ST7: variants seen among roughly 807,000 people sequenced by gnomAD.
ST7 encodes the protein suppression of tumorigenicity 7.
ST7 carries 28 observed loss-of-function variants against 78.7 expected under a neutral mutation model. The ratio of observed to expected loss-of-function variants is 0.36; its 90% CI spans 0.26 to 0.49. The LOEUF (loss-of-function observed/expected upper bound fraction) is 0.49. Among genes scored for constraint, ST7 ranks in the 20% least tolerant of loss-of-function variants. The probability of loss-of-function intolerance (pLI) is 0.99; values close to 1 mark genes in which losing one functional copy is unlikely to be tolerated. For missense variants in ST7, 418 were observed against 696.0 expected (o/e 0.60, Z 4.49); for synonymous variants, 247 against 249.6 (o/e 0.99, Z 0.10).
intron 15 of ST7, chr7:117,223,876 A>C: frequency 1.2e-6 from 1 of 868,788 alleles, no homozygotes; most frequent in South Asian, 5.3e-5. Flanking sequence ...TGCTCATAGT[A>C]GGTTTTCAAT....
At chr7:117,119,513 T>C (rs1285124221) in intron 2 of ST7, 48 bp from the exon 3 acceptor site, 1 of 1,566,622 alleles carries the variant, frequency 6.4e-7, no homozygotes, top group South Asian at 1.2e-5. Flanking sequence ...TGTACAGAAG[T>C]CGTAAATGAT....
At chr7:116,995,184 A>C (rs1340013249) in intron 1 of ST7, among the ~76,000 whole-genome samples, 2 of 152,234 alleles carry the variant, frequency 1.3e-5, no homozygotes, top group African/African-American at 4.8e-5. Context: ...AATCTAGTAC[A>C]TAGATGGAAG....
At chr7:117,144,421 A>G (rs535945901) in intron 9 of ST7, among the ~76,000 whole-genome samples, 3 of 151,722 alleles carry the variant, frequency 2.0e-5, no homozygotes, top group South Asian at 4.2e-4. Context: ...TGAGCTCAGC[A>G]GTTGGACACT....
At chr7:117,183,625 A>G (rs1808970483) in intron 10 of ST7, among the ~76,000 whole-genome samples, 1 of 152,138 alleles carries the variant, frequency 6.6e-6, no homozygotes, top group African/African-American at 2.4e-5. Context: ...GCCCAGCAGT[A>G]ACCACTTTCC....
At chr7:117,140,711 T>TA (rs895163680) in intron 9 of ST7, among the ~76,000 whole-genome samples, 69 of 151,508 alleles carry the variant, frequency 4.6e-4, no homozygotes, top group East Asian at 1.7e-3. Flanking sequence ...ATTACGTTTC[T>TA]AAAAAAAAAG....
intron 1 of ST7, among the ~76,000 whole-genome samples, chr7:117,096,775 T>C (rs983406728): frequency 1.3e-5 from 2 of 152,362 alleles, no homozygotes; most frequent in Admixed American, 1.3e-4. Flanking sequence ...CCACATGCCA[T>C]GTCCTTATGA....
At chr7:117,139,419 C>T (rs1805080072) in intron 9 of ST7, among the ~76,000 whole-genome samples, 1 of 152,190 alleles carries the variant, frequency 6.6e-6, no homozygotes, top group African/African-American at 2.4e-5. Flanking sequence ...ATTCTCAGCT[C>T]ATGGATTTGA....
intron 1 of ST7, among the ~76,000 whole-genome samples, chr7:117,077,844 C>CTTTTTT (rs1186348708): frequency 8.3e-6 from 1 of 120,930 alleles, no homozygotes; most frequent in African/African-American, 3.0e-5. Flanking sequence ...TGATTTCTTT[C>CTTTTTT]TTTTTTTTTT....
chr7:117,213,416 T>C (rs977749932), intron 13 of ST7, among the ~76,000 whole-genome samples: 1 of 152,154 alleles, frequency 6.6e-6, no homozygotes, highest in Admixed American at 6.5e-5. Flanking sequence ...TAAAACAAAT[T>C]CTTAGTTTCT....
At chr7:116,980,119 C>T (rs922376361) in intron 1 of ST7, among the ~76,000 whole-genome samples, 3 of 151,798 alleles carry the variant, frequency 2.0e-5, no homozygotes, top group East Asian at 1.9e-4. Context: ...TCACAACTCC[C>T]GGCGAATTTT....
chr7:117,019,630 G>A (rs538978378), intron 1 of ST7, among the ~76,000 whole-genome samples: 1 of 152,318 alleles, frequency 6.6e-6, no homozygotes, highest in South Asian at 2.1e-4. Context: ...AACAATAGTT[G>A]CAAAATAGCT....
At chr7:117,213,729 C>T (rs1584620338) in intron 13 of ST7, among the ~76,000 whole-genome samples, 1 of 152,058 alleles carries the variant, frequency 6.6e-6, no homozygotes, top group South Asian at 2.1e-4. Flanking sequence ...CTGTCCCAGC[C>T]CCTGAAATTA....
At chr7:117,151,793 G>A (rs954496706) in intron 9 of ST7, among the ~76,000 whole-genome samples, 18 of 151,960 alleles carry the variant, frequency 1.2e-4, no homozygotes, top group Admixed American at 5.2e-4. Context: ...CCAAATCCTC[G>A]TAAAACTCAA....
chr7:117,122,929 A>G (rs540856293), intron 3 of ST7, among the ~76,000 whole-genome samples: 1 of 152,324 alleles, frequency 6.6e-6, no homozygotes, highest in Non-Finnish European at 1.5e-5. Context: ...CTCATTTCAA[A>G]TGCTAAGTAT....
rs1368198219 is a variant in ST7, at chr7:117,131,921, C to G, written c.602C>G (p.Ala201Gly). The G allele has an allele frequency of 6.2e-7, 1 of 1,611,234 alleles. No homozygotes were observed. The highest frequency in any genetic ancestry group is 8.5e-7 in the Non-Finnish European group (1 of 1,178,194). Reference sequence around the variant, plus strand: ...GCCTGGAGAGAGAGAAACCCCCAAGCTAGGATTTCTGCAGCTCATGAAGCC... The same window carrying G: ...GCCTGGAGAGAGAGAAACCCCCAAGGTAGGATTTCTGCAGCTCATGAAGCC... ...QKAWRERNPQARISAAHEALE... is the reference protein window; with the variant it reads ...QKAWRERNPQGRISAAHEALE... Residue 201 changes from alanine to glycine, a missense_variant, in exon 6 of 16, where the codon GCT becomes GGT. Ala to Gly is a moderately conservative substitution (Grantham distance 60). Around this residue, in one of 4 missense-constraint regions of ST7, gnomAD observed 288 missense variants for 537.1 expected, o/e 0.54. Transcript: ENST00000323984.
At chr7:117,027,264 A>G (rs1028943242) in intron 1 of ST7, among the ~76,000 whole-genome samples, 2 of 152,058 alleles carry the variant, frequency 1.3e-5, no homozygotes, top group African/African-American at 4.8e-5. Flanking sequence ...CAACATGGTG[A>G]AACCCTGTCT....
Position 117,031,846 on chromosome 7 carries a change from CTA to C in ST7, c.152-67912_152-67911del, listed in dbSNP as rs1563027117. ...TCTATATCTATATCTATATCTATATCTATATCTATATCTATCTATCTATCTAT... is the reference window on the plus strand; with the variant it reads ...TCTATATCTATATCTATATCTATATCTATCTATATCTATCTATCTATCTAT... On this transcript the variant is annotated intron_variant, in intron 1 of 15. Transcript: ENST00000323984. 2.1e-4 allele frequency among the ~76,000 whole-genome samples: 14 copies of C among 65,340 alleles called. 1 individual carries two copies. Among genetic ancestry groups the C allele is most frequent in the African/African-American group, 6.6e-4 (10 of 15,166 alleles). 42.9% of individuals were successfully genotyped at this position (65,340 alleles called of 152,430 possible).
At position 117,042,534 on chromosome 7, in the gene ST7, G is replaced by A. The variant is rs530464684; in HGVS notation, c.152-57228G>A. Among the ~76,000 whole-genome samples the A allele has an allele frequency of 8.5e-5, 13 of 152,244 alleles. No individual in the cohort carries two copies. The South Asian group carries it at 2.7e-3, about 32-fold the overall frequency. ...GGGAAGTATAAGATATTAAAAGACA[G>A]AGATTAGACGAGTATCACTCTGTCT... is the stretch of plus-strand genomic sequence containing the variant. On this transcript the variant is annotated intron_variant, in intron 1 of 15. Coordinates refer to ENST00000323984, the MANE Select transcript of ST7 (RefSeq NM_001369598.1).
intron 9 of ST7, among the ~76,000 whole-genome samples, chr7:117,159,108 A>G (rs1806929500): frequency 1.3e-5 from 2 of 152,220 alleles, no homozygotes; most frequent in African/African-American, 4.8e-5. Flanking sequence ...ATACAAATCA[A>G]ACTTGAAAGG....
Sources: allele counts gnomAD v4.1 joint callset (sites outside exome capture counted in the v4.1 genomes callset), GRCh38; gene constraint gnomAD v4.1.1; regional missense constraint gnomAD v4.1.1; transcripts MANE v1.5; gene names NCBI Gene and HGNC (gene_info 2026-07-23, HGNC 2026-07-21).